TAF1: variants seen among roughly 807,000 people sequenced by gnomAD.
TAF1 encodes the protein transcription initiation factor TFIID subunit 1.
Under a neutral mutation model 138.5 loss-of-function variants are expected in TAF1, and 2 were observed. The observed-to-expected ratio is 0.01, with a 90% CI of 0.01 to 0.05. The LOEUF is 0.05. TAF1 is among the 10% of genes least tolerant of loss of function. The pLI is 1.00. For synonymous variants in TAF1, 437 were observed against 503.2 expected, an observed-to-expected ratio of 0.87 and a Z score of 1.76; for missense variants, 709 against 1,478.0, an observed-to-expected ratio of 0.48 and a Z score of 8.53.
chrX:71,480,464 G>A (rs966013065), intron 13 of TAF1, among the ~76,000 whole-genome samples: 1 of 111,671 alleles, frequency 9.0e-6, no homozygotes, highest in Non-Finnish European at 1.9e-5. Flanking sequence ...CTATGTACCC[G>A]GTAGTATGCT....
chrX:71,436,567 G>T (rs987219826), intron 32 of TAF1, among the ~76,000 whole-genome samples: 1 of 109,058 alleles, frequency 9.2e-6, no homozygotes, highest in Non-Finnish European at 1.9e-5. Context: ...GGCTGGTCTC[G>T]GACTCCTGGG....
chrX:71,486,367 A>G (rs1460856605), intron 13 of TAF1, among the ~76,000 whole-genome samples: 1 of 108,549 alleles, frequency 9.2e-6, no homozygotes, highest in African/African-American at 3.4e-5. Flanking sequence ...ATTTTTTTTA[A>G]TTTGTTTTAG....
Position 71,391,496 on chromosome X carries a change from C to T in TAF1, c.2782-1073C>T, listed in dbSNP as rs184780509. ...GCCAAGGGTTCAAGACCAACCTGGC[C>T]AACATAGTGAGACCCTGTCTCTAAA... On this transcript the variant is annotated intron_variant, in intron 18 of 37. Coordinates refer to ENST00000423759, the MANE Select transcript of TAF1 (RefSeq NM_004606.5). Among the ~76,000 whole-genome samples, 315 of 109,817 alleles carry T rather than the reference C, an allele frequency of 2.9e-3. 1 individual carries two copies. The highest frequency in any genetic ancestry group is 0.016 in the South Asian group (41 of 2,576).
intron 32 of TAF1, among the ~76,000 whole-genome samples, chrX:71,443,982 A>AT (rs1450220749): frequency 1.8e-5 from 2 of 110,756 alleles, no homozygotes; most frequent in Non-Finnish European, 3.8e-5. Flanking sequence ...AAGTGTTGAG[A>AT]TTACAGGCCA....
intron 29 of TAF1, 40 bp downstream of exon 29, chrX:71,421,416 A>C: frequency 1.8e-5 from 7 of 399,087 alleles, no homozygotes; most frequent in Non-Finnish European, 2.3e-5. Context: ...TGGAATTTGA[A>C]GGTGGGGGTG....
chrX:71,438,826 G>C (rs774981972), intron 32 of TAF1, among the ~76,000 whole-genome samples: 7 of 111,641 alleles, frequency 6.3e-5, no homozygotes, highest in Non-Finnish European at 9.4e-5. Context: ...TTAGCCAGGC[G>C]TGGTGGCACG....
intron 28 of TAF1, among the ~76,000 whole-genome samples, chrX:71,413,453 T>G (rs1602592084): frequency 8.9e-6 from 1 of 112,208 alleles, no homozygotes; most frequent in East Asian, 2.8e-4. Flanking sequence ...TGCTGAAAAT[T>G]TTTGCATATG....
At chrX:71,510,675 T>C (rs984343683) in intron 13 of TAF1, among the ~76,000 whole-genome samples, 5 of 111,755 alleles carry the variant, frequency 4.5e-5, no homozygotes, top group African/African-American at 1.6e-4. Flanking sequence ...GTCCTTAGCA[T>C]TCAGGTAGCA....
intron 32 of TAF1, among the ~76,000 whole-genome samples, chrX:71,438,383 C>T (rs1417766957): frequency 9.0e-6 from 1 of 111,477 alleles, no homozygotes; most frequent in African/African-American, 3.3e-5. Context: ...AATATTCTTC[C>T]TTTTGTGTCT....
At chrX:71,515,470 C>T (rs1210658562) in intron 13 of TAF1, among the ~76,000 whole-genome samples, 1 of 111,782 alleles carries the variant, frequency 8.9e-6, no homozygotes, top group Non-Finnish European at 1.9e-5. Flanking sequence ...CTTTTCTTTA[C>T]TTGCTTTTGT....
chrX:71,383,067 A>T lies in TAF1; in HGVS notation c.1850A>T (p.His617Leu). ...HMGPIKLRQF[H>L]RPPLKKYSFG... is the part of the protein sequence containing the mutation. ...GGGCCCATCAAACTCCGGCAGTTCCATCGCCCACCTCTGAAAAAGTACTCA... is the reference window on the plus strand; with the variant it reads ...GGGCCCATCAAACTCCGGCAGTTCCTTCGCCCACCTCTGAAAAAGTACTCA... The change falls in exon 12 of 38, where the codon CAT (histidine) becomes CTT (leucine). Residue 617 changes from histidine (H) to leucine (L), a missense_variant. His to Leu is a moderately conservative substitution (Grantham distance 99). Transcript: ENST00000423759. The T allele has an allele frequency of 8.3e-7, 1 of 1,211,414 alleles. No homozygotes were observed. The highest frequency in any genetic ancestry group is 2.2e-5 in the Admixed American group (1 of 45,855).
At chrX:71,378,154 T>G (rs1283386412) in intron 6 of TAF1, 81 bp from the exon 7 acceptor site, 1 of 996,563 alleles carries the variant, frequency 1.0e-6, no homozygotes, top group Non-Finnish European at 1.4e-6. Flanking sequence ...TAAGTTCCCC[T>G]CCTGACTGTT....
chrX:71,504,569 G>A (rs1300939900), intron 13 of TAF1, among the ~76,000 whole-genome samples: 1 of 107,050 alleles, frequency 9.3e-6, no homozygotes, highest in Non-Finnish European at 1.9e-5. Flanking sequence ...TCAAAATGCT[G>A]TTAACTGCAT....
At chrX:71,366,667 C>G (rs1311512133) in intron 1 of TAF1, among the ~76,000 whole-genome samples, 173 bp downstream of exon 1, 1 of 110,827 alleles carries the variant, frequency 9.0e-6, no homozygotes, top group South Asian at 3.8e-4. Flanking sequence ...AGTGATCGTT[C>G]TGGGGGAGAG....
At chrX:71,393,214 C>T in intron 20 of TAF1, 87 bp from the exon 21 acceptor site, 1 of 1,094,930 alleles carries the variant, frequency 9.1e-7, no homozygotes, top group Non-Finnish European at 1.2e-6. Context: ...CTTTGAAATC[C>T]CTGAATGATT....
intron 13 of TAF1, among the ~76,000 whole-genome samples, chrX:71,473,457 G>T (rs189914022): frequency 9.1e-6 from 1 of 110,408 alleles, no homozygotes; most frequent in African/African-American, 3.3e-5. Flanking sequence ...GATCACTTAA[G>T]GCCGTGAGTT....
chrX:71,493,968 G>A (rs1274554411), intron 13 of TAF1, among the ~76,000 whole-genome samples: 1 of 111,918 alleles, frequency 8.9e-6, no homozygotes, highest in Non-Finnish European at 1.9e-5. Flanking sequence ...GCAAGACCCT[G>A]TCTCAAAACA....
intron 3 of TAF1, among the ~76,000 whole-genome samples, chrX:71,372,432 CAAAAAAAAA>C (rs41384445): frequency 2.8e-4 from 8 of 28,537 alleles, no homozygotes; most frequent in African/African-American, 1.2e-3. Flanking sequence ...AACTCTGCCT[CAAAAAAAAA>C]AAAAAAAAAA....
intron 37 of TAF1, among the ~76,000 whole-genome samples, chrX:71,462,281 G>A (rs987491963): frequency 9.9e-5 from 11 of 110,946 alleles, no homozygotes; most frequent in Admixed American, 2.9e-4. Flanking sequence ...TATATCATAT[G>A]AAAAAATAAC....
Sources: allele counts gnomAD v4.1 joint callset (sites outside exome capture counted in the v4.1 genomes callset), GRCh38; gene constraint gnomAD v4.1.1; transcripts MANE v1.5; gene names NCBI Gene and HGNC (gene_info 2026-07-23, HGNC 2026-07-21).